The following SPATA16 variants were observed in gnomAD, a reference collection of about 807,000 sequenced individuals.
SPATA16 encodes spermatogenesis-associated protein 16.
A neutral mutation model predicts 63.3 loss-of-function variants in SPATA16; 36 were observed. The observed-to-expected ratio is 0.57, with a 90% confidence interval of 0.44 to 0.75. The LOEUF is 0.75. Among genes scored for constraint, SPATA16 ranks in the 30% least tolerant of loss-of-function variants. The pLI is 0.00. For synonymous variants in SPATA16, 203 were observed against 216.7 expected, an observed-to-expected ratio of 0.94 and a Z score of 0.56; for missense variants, 646 against 679.3, an observed-to-expected ratio of 0.95 and a Z score of 0.54.
chr3:172,993,935 CTT>C (rs1734639989), intron 4 of SPATA16, among the ~76,000 whole-genome samples: 1 of 151,968 alleles, frequency 6.6e-6, no homozygotes, highest in African/African-American at 2.4e-5. Flanking sequence ...TGTTGCAGTT[CTT>C]GTGATTTAAT....
chr3:173,054,732 G>A (rs951280099), intron 2 of SPATA16, among the ~76,000 whole-genome samples: 5 of 151,992 alleles, frequency 3.3e-5, no homozygotes, highest in African/African-American at 7.3e-5. Flanking sequence ...TGTACGTTCC[G>A]CACATGTATC....
At chr3:173,039,026 C>A (rs1212574450) in intron 3 of SPATA16, among the ~76,000 whole-genome samples, 4 of 152,034 alleles carry the variant, frequency 2.6e-5, no homozygotes, top group Non-Finnish European at 5.9e-5. Flanking sequence ...AAGTTTGTTT[C>A]CCTACAGTAC....
chr3:172,976,484 C>T (rs1734161459), intron 5 of SPATA16, among the ~76,000 whole-genome samples: 1 of 151,948 alleles, frequency 6.6e-6, no homozygotes, highest in African/African-American at 2.4e-5. Context: ...CTTCTTGCTG[C>T]CATTTTGAAT....
chr3:172,997,211 C>T (rs1037794251), intron 4 of SPATA16, among the ~76,000 whole-genome samples: 27 of 152,240 alleles, frequency 1.8e-4, no homozygotes, highest in African/African-American at 6.5e-4. Flanking sequence ...AACTGTCAAA[C>T]TGCCTTCCAG....
intron 1 of SPATA16, among the ~76,000 whole-genome samples, chr3:173,135,501 G>GTAA (rs1560135542): frequency 6.6e-6 from 1 of 151,930 alleles, no homozygotes; most frequent in East Asian, 1.9e-4. Context: ...TCACAACAAC[G>GTAA]TAATAACATA....
At chr3:172,972,124 G>A (rs1734059772) in intron 5 of SPATA16, among the ~76,000 whole-genome samples, 1 of 152,116 alleles carries the variant, frequency 6.6e-6, no homozygotes, top group African/African-American at 2.4e-5. Flanking sequence ...AACCATATAG[G>A]CCATTGATAG....
At chr3:172,937,748 C>T (rs969796843) in intron 6 of SPATA16, among the ~76,000 whole-genome samples, 2 of 152,094 alleles carry the variant, frequency 1.3e-5, no homozygotes, top group Non-Finnish European at 1.5e-5. Context: ...GCTTCCTTTA[C>T]TAAAATGCAT....
intron 5 of SPATA16, among the ~76,000 whole-genome samples, chr3:172,959,510 G>T (rs1733693790): frequency 1.3e-5 from 2 of 152,122 alleles, no homozygotes; most frequent in Non-Finnish European, 2.9e-5. Context: ...TGAAGACGAT[G>T]GGTAAGGAAG....
intron 2 of SPATA16, among the ~76,000 whole-genome samples, chr3:173,107,014 C>T (rs980466087): frequency 6.6e-6 from 1 of 152,164 alleles, no homozygotes; most frequent in African/African-American, 2.4e-5. Flanking sequence ...TCATAGACTC[C>T]ATTGAACTTT....
intron 6 of SPATA16, among the ~76,000 whole-genome samples, chr3:172,938,549 C>T (rs1257486813): frequency 6.6e-6 from 1 of 152,182 alleles, no homozygotes; most frequent in Non-Finnish European, 1.5e-5. Flanking sequence ...GTTCTATTTA[C>T]CCCAATGTTA....
intron 10 of SPATA16, among the ~76,000 whole-genome samples, chr3:172,899,853 T>G (rs1732090803): frequency 6.6e-6 from 1 of 152,140 alleles, no homozygotes; most frequent in Non-Finnish European, 1.5e-5. Flanking sequence ...ATTTTAAATT[T>G]GAAGTATAGA....
chr3:172,893,700 C>T (rs145006271), intron 10 of SPATA16, among the ~76,000 whole-genome samples: 3 of 152,286 alleles, frequency 2.0e-5, no homozygotes, highest in African/African-American at 7.2e-5. Flanking sequence ...TTGGTTGGTG[C>T]CCCCTGGCAC....
rs1735419170 is a variant in SPATA16 at position 173,024,928 on chromosome 3, T to C, written c.759-5353A>G. Among the ~76,000 whole-genome samples, 2 of 150,864 alleles carry C rather than the reference T, an allele frequency of 1.3e-5. 1 individual carries two copies. The highest frequency in any genetic ancestry group is 4.2e-4 in the South Asian group (2 of 4,754). ...TTTACAATAATTTTAGCTTTGACCA[T>C]ATCCTTAAGAATGATAGAGTATATT... On this transcript the variant is annotated intron_variant, in intron 3 of 10. Transcript: ENST00000351008.
intron 2 of SPATA16, among the ~76,000 whole-genome samples, chr3:173,053,131 G>T (rs538242213): frequency 2.6e-4 from 39 of 152,246 alleles, no homozygotes; most frequent in African/African-American, 8.9e-4. Flanking sequence ...CGAGGCAGGC[G>T]GATCACCTGA....
chr3:173,081,871 C>G (rs913546988), intron 2 of SPATA16, among the ~76,000 whole-genome samples: 24 of 152,172 alleles, frequency 1.6e-4, no homozygotes, highest in Non-Finnish European at 3.2e-4. Flanking sequence ...TAGCTTCATA[C>G]AGATATCATT....
intron 6 of SPATA16, among the ~76,000 whole-genome samples, chr3:172,932,947 GC>G (rs955331527): frequency 2.0e-5 from 3 of 151,946 alleles, no homozygotes; most frequent in African/African-American, 7.3e-5. Flanking sequence ...GTTTTCTCTT[GC>G]AACCCACATA....
In SPATA16 at chr3:172,992,390, T is replaced by C. The variant is rs150747207; in HGVS notation, c.849-15338A>G. Among the ~76,000 whole-genome samples, 1,442 of 151,196 alleles carry C rather than the reference T, an allele frequency of 9.5e-3. 22 individuals carry two copies. The highest frequency in any genetic ancestry group is 0.032 in the African/African-American group (1,323 of 41,096). ...CAATAAACAGTTTTTTTGGGGGGAG[T>C]GAAGAAAGAAACCATACCAGTTCAC... On this transcript the variant is annotated intron_variant, in intron 4 of 10. Transcript: ENST00000351008.
intron 3 of SPATA16, among the ~76,000 whole-genome samples, chr3:173,041,404 A>G (rs1382163878): frequency 6.6e-6 from 1 of 152,160 alleles, no homozygotes; most frequent in Non-Finnish European, 1.5e-5. Context: ...TTCTTTTAAG[A>G]GTTGATGAAA....
At chr3:173,026,821 A>G (rs1735463482) in intron 3 of SPATA16, among the ~76,000 whole-genome samples, 1 of 151,978 alleles carries the variant, frequency 6.6e-6, no homozygotes, top group Non-Finnish European at 1.5e-5. Context: ...TGACTACTAT[A>G]GATTTATAAT....
Sources: gnomAD v4.1 joint callset for allele counts (sites outside exome capture counted in the v4.1 genomes callset) on GRCh38, gnomAD v4.1.1 for gene constraint, MANE v1.5 for transcripts, NCBI Gene and HGNC (gene_info 2026-07-23, HGNC 2026-07-21) for gene names.